The following PDSS2 variants were observed in gnomAD, a reference collection of about 807,000 sequenced individuals.
PDSS2 encodes decaprenyl diphosphate synthase subunit 2.
In PDSS2, 31 loss-of-function variants were observed where a neutral mutation model predicts 44.5. The ratio of observed to expected loss-of-function variants is 0.70; its 90% CI spans 0.52 to 0.94. The LOEUF (loss-of-function observed/expected upper bound fraction) is 0.94. Ranked by LOEUF, PDSS2 falls within the 40% of genes least tolerant of loss-of-function variation. PDSS2 has a pLI of 0.00. For missense variants in PDSS2, 452 were observed against 482.2 expected (o/e 0.94, Z 0.59); for synonymous variants, 157 against 180.3 (o/e 0.87, Z 1.03).
At chr6:107,336,017 GGT>G (rs1491543308) in intron 1 of PDSS2, among the ~76,000 whole-genome samples, 2 of 133,212 alleles carry the variant, frequency 1.5e-5, no homozygotes, top group African/African-American at 5.4e-5. Flanking sequence ...GGGTGGGGGG[GGT>G]GGGGGGTGGG....
intron 2 of PDSS2, among the ~76,000 whole-genome samples, chr6:107,305,755 C>T (rs1010600868): frequency 6.6e-6 from 1 of 152,004 alleles, no homozygotes; most frequent in Non-Finnish European, 1.5e-5. Flanking sequence ...CCTAATTCTC[C>T]AGCTTTATTT....
chr6:107,314,522 T>C (rs1392670256), intron 2 of PDSS2, among the ~76,000 whole-genome samples: 3 of 152,208 alleles, frequency 2.0e-5, no homozygotes, highest in Non-Finnish European at 4.4e-5. Flanking sequence ...ATACATATTA[T>C]GCCAGACGGT....
chr6:107,402,141 G>T (rs1213978317), intron 1 of PDSS2, among the ~76,000 whole-genome samples: 2 of 151,756 alleles, frequency 1.3e-5, no homozygotes, highest in African/African-American at 4.8e-5. Flanking sequence ...TTAGCCAGCT[G>T]TGGTGGTGGG....
At chr6:107,164,351 G>A (rs1300055788) in intron 7 of PDSS2, among the ~76,000 whole-genome samples, 1 of 152,034 alleles carries the variant, frequency 6.6e-6, no homozygotes, top group Non-Finnish European at 1.5e-5. Flanking sequence ...GGTGTGTGAT[G>A]TTCCCCTTCC....
intron 2 of PDSS2, among the ~76,000 whole-genome samples, chr6:107,287,095 T>C (rs1412000304): frequency 1.3e-5 from 2 of 152,126 alleles, no homozygotes; most frequent in African/African-American, 4.8e-5. Flanking sequence ...GAAATAACAT[T>C]TTTAGTTCAT....
intron 1 of PDSS2, among the ~76,000 whole-genome samples, chr6:107,424,891 T>C (rs1479473271): frequency 1.3e-5 from 2 of 152,212 alleles, no homozygotes; most frequent in African/African-American, 2.4e-5. Context: ...CCAAATTTCA[T>C]CTTGAATTGT....
At chr6:107,259,133 C>T (rs566971937) in intron 3 of PDSS2, among the ~76,000 whole-genome samples, 5 of 152,146 alleles carry the variant, frequency 3.3e-5, no homozygotes, top group African/African-American at 4.8e-5. Context: ...CAGTGCCTAC[C>T]GTATAGTAAG....
intron 1 of PDSS2, among the ~76,000 whole-genome samples, chr6:107,442,199 C>T (rs1781529704): frequency 6.6e-6 from 1 of 152,138 alleles, no homozygotes; most frequent in South Asian, 2.1e-4. Flanking sequence ...GGCAGGTCAC[C>T]TGAGATCAGG....
intron 2 of PDSS2, among the ~76,000 whole-genome samples, chr6:107,275,369 A>C (rs1204914693): frequency 6.6e-6 from 1 of 152,186 alleles, no homozygotes; most frequent in Non-Finnish European, 1.5e-5. Flanking sequence ...AAGAGTACAC[A>C]GTAATGTAGA....
chr6:107,305,937 TAGA>T (rs997216363), intron 2 of PDSS2, among the ~76,000 whole-genome samples: 2 of 152,142 alleles, frequency 1.3e-5, no homozygotes, highest in South Asian at 2.1e-4. Context: ...CTTTTCAGAA[TAGA>T]AGAATATTGA....
chr6:107,393,914 T>C (rs910670726), intron 1 of PDSS2, among the ~76,000 whole-genome samples: 1 of 152,232 alleles, frequency 6.6e-6, no homozygotes, highest in African/African-American at 2.4e-5. Context: ...TGCTATTTGT[T>C]TGATACATAT....
Position 107,261,868 on chromosome 6 carries a change from C to T in PDSS2, c.630+12161G>A, listed in dbSNP as rs144294516. 7.0e-3 allele frequency among the ~76,000 whole-genome samples: 1,051 copies of T among 149,716 alleles called. 13 individuals are homozygous for T. Among genetic ancestry groups the T allele is most frequent in the African/African-American group, 0.024 (983 of 40,706 alleles). On this transcript the variant is annotated intron_variant, in intron 3 of 7. Coordinates refer to ENST00000369037, the MANE Select transcript of PDSS2 (RefSeq NM_020381.4). The stretch of plus-strand genomic sequence containing the variant: ...TGCTAGAATTACAAGTGTGAGCCAC[C>T]GTGCCTGGCCCGTCTCAGGTATTTC...
At chr6:107,422,909 T>A (rs1780872754) in intron 1 of PDSS2, among the ~76,000 whole-genome samples, 1 of 152,146 alleles carries the variant, frequency 6.6e-6, no homozygotes, top group Admixed American at 6.5e-5. Flanking sequence ...TTCTTTTAAC[T>A]GGAGATTTCA....
chr6:107,225,123 C>CTATATATATATTTTTATATATATATATA (rs1336883915), intron 4 of PDSS2, among the ~76,000 whole-genome samples: 2 of 79,220 alleles, frequency 2.5e-5, no homozygotes, highest in Non-Finnish European at 4.2e-5. Context: ...GGAAGCTTCA[C>CTATATATATATTTTTATATATATATATA]TATATATATA....
At position 107,395,737 on chromosome 6, in the gene PDSS2, T is replaced by A. The variant is rs192014891; in HGVS notation, c.297-61405A>T. On this transcript the variant is annotated intron_variant, in intron 1 of 7. Transcript: ENST00000369037. ...TGATTCCATTATTTCTGTTTTCAGG[T>A]CTGTTTCTATTAATTGGTTTTAATT... 3.3e-5 allele frequency among the ~76,000 whole-genome samples: 5 copies of A among 152,316 alleles called. No individual in the cohort carries two copies. In the East Asian group the frequency reaches 9.6e-4, roughly 29 times the overall value.
chr6:107,166,403 C>T (rs1192858787), intron 7 of PDSS2, among the ~76,000 whole-genome samples: 6 of 137,956 alleles, frequency 4.3e-5, no homozygotes, highest in African/African-American at 1.1e-4. Context: ...CTCACTCTGT[C>T]GCCCAGGCTG....
At chr6:107,298,316 G>A (rs1776577075) in intron 2 of PDSS2, among the ~76,000 whole-genome samples, 1 of 152,022 alleles carries the variant, frequency 6.6e-6, no homozygotes, top group Admixed American at 6.6e-5. Context: ...CTGAACACGA[G>A]CAGACTTTTT....
chr6:107,418,258 C>T (rs947467957), intron 1 of PDSS2, among the ~76,000 whole-genome samples: 3 of 152,118 alleles, frequency 2.0e-5, no homozygotes, highest in African/African-American at 7.2e-5. Flanking sequence ...AAGAGGAAGG[C>T]AGGAGGGTCA....
intron 1 of PDSS2, among the ~76,000 whole-genome samples, chr6:107,340,367 G>C (rs1778043793): frequency 6.6e-6 from 1 of 152,150 alleles, no homozygotes; most frequent in Admixed American, 6.5e-5. Context: ...AGTCAGCTCT[G>C]TCTTCTCCAT....
Sources: gnomAD v4.1 joint callset for allele counts (sites outside exome capture counted in the v4.1 genomes callset) on GRCh38, gnomAD v4.1.1 for gene constraint, MANE v1.5 for transcripts, NCBI Gene and HGNC (gene_info 2026-07-23, HGNC 2026-07-21) for gene names.